Variants in ARHGAP6 observed in about 807,000 individuals in gnomAD.
ARHGAP6 encodes Rho GTPase activating protein 6.
ARHGAP6 carries 16 observed loss-of-function variants against 55.7 expected under a neutral mutation model. The ratio of observed to expected loss-of-function variants is 0.29; its 90% CI spans 0.19 to 0.44. The LOEUF is 0.44. Ranked by LOEUF, ARHGAP6 falls within the 20% of genes least tolerant of loss-of-function variation. The probability of loss-of-function intolerance (pLI) is 1.00; values close to 1 mark genes in which losing one functional copy is unlikely to be tolerated. For synonymous variants in ARHGAP6, 382 were observed against 360.9 expected (o/e 1.06, Z -0.66); for missense variants, 698 against 808.9 (o/e 0.86, Z 1.66).
At position 11,469,318 on chromosome X, in the gene ARHGAP6, G is replaced by A. The variant is rs1341865344; in HGVS notation, c.588+194923C>T. On this transcript the variant is annotated intron_variant, in intron 1 of 12. Transcript: ENST00000337414. ...TAAATGATTCAAAGCAATCTTTAAG[G>A]CAATTCTATTTCTAATTCTAGAAAC... Among the ~76,000 whole-genome samples the A allele has an allele frequency of 7.1e-5, 8 of 112,344 alleles. No individual in the cohort carries two copies. In the Admixed American group the frequency reaches 7.5e-4, roughly 11 times the overall value.
intron 1 of ARHGAP6, among the ~76,000 whole-genome samples, chrX:11,394,510 C>G (rs1325196264): frequency 2.7e-5 from 3 of 111,230 alleles, no homozygotes; most frequent in African/African-American, 9.8e-5. Context: ...CACACTTAAA[C>G]TGAGTAAATT....
At chrX:11,351,399 A>G (rs2048862152) in intron 1 of ARHGAP6, 4 of 970,449 alleles carry the variant, frequency 4.1e-6, no homozygotes, top group Middle Eastern at 3.0e-4. Context: ...TATCCTGTAC[A>G]TGAGAACAGT....
intron 8 of ARHGAP6, among the ~76,000 whole-genome samples, chrX:11,176,300 CATAT>C (rs59647126): frequency 0.015 from 238 of 15,562 alleles, 3 homozygotes; most frequent in Non-Finnish European, 0.028. Flanking sequence ...TATTTGCATG[CATAT>C]ATATATATAT....
At chrX:11,603,701 T>C (rs2052002733) in intron 1 of ARHGAP6, among the ~76,000 whole-genome samples, 1 of 112,016 alleles carries the variant, frequency 8.9e-6, no homozygotes, top group Admixed American at 9.5e-5. Flanking sequence ...AATAATGCAA[T>C]TTATACTTAG....
intron 1 of ARHGAP6, among the ~76,000 whole-genome samples, chrX:11,515,328 C>T (rs58367890): frequency 0.087 from 9,726 of 111,972 alleles, 472 homozygotes; most frequent in East Asian, 0.18. Flanking sequence ...AAACATTTTC[C>T]TAATACATTT....
intron 1 of ARHGAP6, among the ~76,000 whole-genome samples, chrX:11,365,553 C>T (rs185828272): frequency 2.5e-4 from 28 of 112,150 alleles, no homozygotes; most frequent in Admixed American, 6.6e-4. Context: ...TATTAAGTAA[C>T]GTATATGCCT....
chrX:11,362,943 C>T (rs2049031241), intron 1 of ARHGAP6, among the ~76,000 whole-genome samples: 1 of 111,628 alleles, frequency 9.0e-6, no homozygotes, highest in African/African-American at 3.3e-5. Flanking sequence ...TCTATCTTTT[C>T]AGTTGACTAA....
intron 1 of ARHGAP6, among the ~76,000 whole-genome samples, chrX:11,484,583 AGAAAAG>A (rs1344876659): frequency 9.1e-6 from 1 of 110,134 alleles, no homozygotes; most frequent in African/African-American, 3.3e-5. Context: ...AAGGAGAAGA[AGAAAAG>A]GAAAAGAAAG....
chrX:11,498,086 T>C (rs1307654179), intron 1 of ARHGAP6, among the ~76,000 whole-genome samples: 1 of 112,220 alleles, frequency 8.9e-6, no homozygotes, highest in Non-Finnish European at 1.9e-5. Flanking sequence ...TTGACACATA[T>C]TGGCCCATTT....
At chrX:11,490,732 A>G (rs1450626982) in intron 1 of ARHGAP6, among the ~76,000 whole-genome samples, 1 of 112,222 alleles carries the variant, frequency 8.9e-6, no homozygotes, top group African/African-American at 3.2e-5. Context: ...TCCCAAGCCT[A>G]GAAATGCCTC....
intron 1 of ARHGAP6, among the ~76,000 whole-genome samples, chrX:11,472,158 A>G (rs187675022): frequency 1.3e-3 from 143 of 111,311 alleles, no homozygotes; most frequent in African/African-American, 4.6e-3. Context: ...CCCTGTTGTG[A>G]GGGTGGTTCT....
intron 1 of ARHGAP6, among the ~76,000 whole-genome samples, chrX:11,525,700 A>G (rs974084733): frequency 1.5e-4 from 17 of 112,309 alleles, no homozygotes; most frequent in African/African-American, 5.5e-4. Context: ...GCCCAAATAA[A>G]GATGCTAGGA....
intron 1 of ARHGAP6, among the ~76,000 whole-genome samples, chrX:11,535,844 T>C (rs1341026379): frequency 8.9e-6 from 1 of 112,376 alleles, no homozygotes; most frequent in African/African-American, 3.2e-5. Flanking sequence ...TTTCCCATTG[T>C]TGCTCTGCAG....
intron 2 of ARHGAP6, among the ~76,000 whole-genome samples, chrX:11,246,629 T>C (rs1011552090): frequency 3.6e-5 from 4 of 112,090 alleles, no homozygotes; most frequent in African/African-American, 1.3e-4. Flanking sequence ...CACCATCCTT[T>C]GTGTGAAGAT....
chrX:11,490,540 A>T (rs1327543085), intron 1 of ARHGAP6, among the ~76,000 whole-genome samples: 2 of 111,929 alleles, frequency 1.8e-5, no homozygotes, highest in Non-Finnish European at 3.8e-5. Context: ...TGACCTATGG[A>T]AACTGTGAGA....
At chrX:11,631,482 C>T (rs2052360835) in intron 1 of ARHGAP6, among the ~76,000 whole-genome samples, 1 of 108,680 alleles carries the variant, frequency 9.2e-6, no homozygotes, top group Non-Finnish European at 1.9e-5. Context: ...GCCAAGATCA[C>T]GTGATTATAC....
intron 2 of ARHGAP6, among the ~76,000 whole-genome samples, chrX:11,249,969 TTTA>T (rs1170925897): frequency 3.8e-4 from 43 of 112,073 alleles, no homozygotes; most frequent in Admixed American, 8.5e-4. Flanking sequence ...TCCATATCAA[TTTA>T]TTATTTTCTT....
intron 1 of ARHGAP6, chrX:11,351,633 G>A (rs1902399198): frequency 1.4e-6 from 1 of 733,593 alleles, no homozygotes; most frequent in Admixed American, 8.8e-5. Context: ...GTTACAAAGA[G>A]TGCCTTGGTT....
intron 2 of ARHGAP6, among the ~76,000 whole-genome samples, chrX:11,242,137 C>T (rs1397555975): frequency 8.9e-6 from 1 of 111,826 alleles, no homozygotes; most frequent in Non-Finnish European, 1.9e-5. Flanking sequence ...TCTATATCAT[C>T]TTCAAGAGGA....
Sources: allele counts gnomAD v4.1 joint callset (sites outside exome capture counted in the v4.1 genomes callset), GRCh38; gene constraint gnomAD v4.1.1; transcripts MANE v1.5; gene names NCBI Gene and HGNC (gene_info 2026-07-23, HGNC 2026-07-21).